Variants in LARP1 observed in about 807,000 individuals in gnomAD.
LARP1 encodes la-related protein 1.
LARP1 carries 36 observed loss-of-function variants against 122.7 expected under a neutral mutation model. The ratio of observed to expected loss-of-function variants is 0.29; its 90% CI spans 0.22 to 0.39. LARP1 has a LOEUF of 0.39. Ranked by LOEUF, LARP1 falls within the 10% of genes least tolerant of loss-of-function variation. The probability of loss-of-function intolerance (pLI) is 1.00; values close to 1 mark genes in which losing one functional copy is unlikely to be tolerated. For synonymous variants in LARP1, 539 were observed against 528.7 expected, an observed-to-expected ratio of 1.02 and a Z score of -0.27; for missense variants, 1,040 against 1,403.6, an observed-to-expected ratio of 0.74 and a Z score of 4.14.
At chr5:154,737,599 G>C (rs1427154515) in intron 1 of LARP1, among the ~76,000 whole-genome samples, 1 of 150,808 alleles carries the variant, frequency 6.6e-6, no homozygotes, top group Non-Finnish European at 1.5e-5. Context: ...ATGCCACCAC[G>C]CCGGCTAATT....
rs372639262 is a variant in LARP1, at chr5:154,744,848, G to A, written c.205+31718G>A. On this transcript the variant is annotated intron_variant, in intron 1 of 18. Transcript: ENST00000336314. The stretch of plus-strand genomic sequence containing the variant: ...GAGACGGGGTTTCACCGTTTTAGCC[G>A]GGATGGTCTCGATCTCCTGACCTCG... Among the ~76,000 whole-genome samples the A allele has an allele frequency of 4.5e-5, 6 of 132,386 alleles. 2 individuals are homozygous for A. In the South Asian group the frequency reaches 1.2e-3, roughly 27 times the overall value. The allele number at this position is 132,386 out of a possible 152,430, so 86.9% of individuals were successfully genotyped here.
At chr5:154,689,639 AAG>A (rs1361506072) in intron 1 of LARP1, among the ~76,000 whole-genome samples, 1 of 151,552 alleles carries the variant, frequency 6.6e-6, no homozygotes, top group Admixed American at 6.6e-5. Flanking sequence ...AAAAAAAAGA[AAG>A]AAAAGAAAAG....
intron 14 of LARP1, among the ~76,000 whole-genome samples, chr5:154,804,535 C>CAT (rs1475226481): frequency 2.0e-5 from 3 of 152,182 alleles, no homozygotes; most frequent in African/African-American, 7.2e-5. Flanking sequence ...GATTTTCATA[C>CAT]ATGCAGAGAG....
At chr5:154,807,821 T>C (rs1442432810) in intron 15 of LARP1, among the ~76,000 whole-genome samples, 1 of 152,226 alleles carries the variant, frequency 6.6e-6, no homozygotes, top group Non-Finnish European at 1.5e-5. Flanking sequence ...CACAAAGTGC[T>C]GGAATTACAG....
At chr5:154,788,254 A>G (rs183815478) in intron 1 of LARP1, among the ~76,000 whole-genome samples, 23 of 152,336 alleles carry the variant, frequency 1.5e-4, no homozygotes, top group African/African-American at 5.3e-4. Flanking sequence ...CCTTGGGCCT[A>G]AGAACTCTAT....
At chr5:154,789,364 C>T (rs1013458591) in intron 1 of LARP1, among the ~76,000 whole-genome samples, 6 of 151,332 alleles carry the variant, frequency 4.0e-5, no homozygotes, top group African/African-American at 1.2e-4. Context: ...GGATTACGGG[C>T]GCCCACCACC....
intron 16 of LARP1, among the ~76,000 whole-genome samples, chr5:154,810,644 C>T (rs1759191424): frequency 6.6e-6 from 1 of 151,882 alleles, no homozygotes; most frequent in Admixed American, 6.6e-5. Context: ...CCCACCACCA[C>T]ACCTGGCTAA....
intron 1 of LARP1, among the ~76,000 whole-genome samples, chr5:154,700,618 C>G (rs1754666905): frequency 6.6e-6 from 1 of 151,984 alleles, no homozygotes; most frequent in African/African-American, 2.4e-5. Flanking sequence ...GGGTCTTGCT[C>G]TATCACCTTT....
intron 8 of LARP1, among the ~76,000 whole-genome samples, chr5:154,796,047 AT>A (rs1404932412): frequency 8.7e-6 from 1 of 114,386 alleles, no homozygotes; most frequent in African/African-American, 3.6e-5. Flanking sequence ...TATATTATAT[AT>A]TTATATATTA....
At chr5:154,776,654 C>A (rs1043324999) in intron 1 of LARP1, among the ~76,000 whole-genome samples, 4 of 152,192 alleles carry the variant, frequency 2.6e-5, no homozygotes, top group Non-Finnish European at 5.9e-5. Flanking sequence ...TTTATGCCCA[C>A]CTTCTTAAAT....
chr5:154,807,572 A>G (rs1758888193), intron 15 of LARP1, among the ~76,000 whole-genome samples: 1 of 151,932 alleles, frequency 6.6e-6, no homozygotes, highest in African/African-American at 2.4e-5. Context: ...TATTTTTGAG[A>G]CAGCGTTTTA....
intron 1 of LARP1, among the ~76,000 whole-genome samples, chr5:154,783,500 CA>C (rs1374670203): frequency 1.6e-4 from 24 of 152,204 alleles, no homozygotes; most frequent in Admixed American, 1.4e-3. Flanking sequence ...CTGTTGGCTA[CA>C]ATAAGGTTGT....
intron 1 of LARP1, among the ~76,000 whole-genome samples, chr5:154,765,464 C>T (rs1009605874): frequency 2.6e-5 from 4 of 152,198 alleles, no homozygotes; most frequent in African/African-American, 7.2e-5. Flanking sequence ...AATCACGGCT[C>T]ACTGCAGACT....
At chr5:154,797,508 C>T (rs1433766340) in intron 8 of LARP1, among the ~76,000 whole-genome samples, 1 of 151,988 alleles carries the variant, frequency 6.6e-6, no homozygotes, top group East Asian at 1.9e-4. Flanking sequence ...GGTGGGATTA[C>T]AGGCATGAGC....
exon 1 of LARP1, chr5:154,712,934 G>T: frequency 6.2e-7 from 1 of 1,614,156 alleles, no homozygotes; most frequent in East Asian, 2.2e-5. Flanking sequence ...CCATGCTTTG[G>T]AGGGTGCTTT....
rs570669280 is a variant in LARP1 at position 154,733,586 on chromosome 5, G to A, written c.205+20456G>A. On this transcript the variant is annotated intron_variant, in intron 1 of 18. Transcript: ENST00000336314. ...TTCTTTCTTTTTTTTTTTTGGAGACGGAGTCTCACTCTGTTGCCCAGGCTG... is the reference window on the plus strand; with the variant it reads ...TTCTTTCTTTTTTTTTTTTGGAGACAGAGTCTCACTCTGTTGCCCAGGCTG... Among the ~76,000 whole-genome samples, 8 of 150,520 alleles carry A rather than the reference G, an allele frequency of 5.3e-5. No homozygotes were observed. In the South Asian group the frequency reaches 1.1e-3, roughly 20 times the overall value.
chr5:154,751,527 C>A, upstream of LARP1, among the ~76,000 whole-genome samples: 1 of 152,280 alleles, frequency 6.6e-6, no homozygotes, highest in South Asian at 2.1e-4. Flanking sequence ...ACTATTTGGT[C>A]ATTACTCCTG....
intron 1 of LARP1, among the ~76,000 whole-genome samples, chr5:154,734,096 G>C (rs1756744700): frequency 6.6e-6 from 1 of 151,706 alleles, no homozygotes; most frequent in African/African-American, 2.4e-5. Flanking sequence ...GAACCTGGGA[G>C]GCAGAGGTTG....
intron 1 of LARP1, among the ~76,000 whole-genome samples, chr5:154,697,131 G>A (rs1754502485): frequency 6.6e-6 from 1 of 152,078 alleles, no homozygotes; most frequent in African/African-American, 2.4e-5. Context: ...AATTGTTTTA[G>A]GGTAAAGATC....
Sources: gnomAD v4.1 joint callset for allele counts (sites outside exome capture counted in the v4.1 genomes callset) on GRCh38, gnomAD v4.1.1 for gene constraint, MANE v1.5 for transcripts, NCBI Gene and HGNC (gene_info 2026-07-23, HGNC 2026-07-21) for gene names.